Variants in NUMB observed in about 807,000 individuals in gnomAD.
NUMB encodes protein numb homolog.
A neutral mutation model predicts 59.7 loss-of-function variants in NUMB; 29 were observed. That is an observed-to-expected ratio of 0.49 (90% CI 0.36 to 0.66). The LOEUF is 0.66. Among genes scored for constraint, NUMB ranks in the 30% least tolerant of loss-of-function variants. The probability of loss-of-function intolerance (pLI) is 0.00; values close to 1 mark genes in which losing one functional copy is unlikely to be tolerated. For missense variants in NUMB, 723 were observed against 822.0 expected, an observed-to-expected ratio of 0.88 and a Z score of 1.47; for synonymous variants, 288 against 288.2, an observed-to-expected ratio of 1.00 and a Z score of 0.01.
chr14:73,419,463 T>C (rs930881782), intron 1 of NUMB, among the ~76,000 whole-genome samples: 2 of 152,038 alleles, frequency 1.3e-5, no homozygotes, highest in Non-Finnish European at 2.9e-5. Flanking sequence ...GAGCTGAGAT[T>C]GCGCCACTGC....
intron 4 of NUMB, among the ~76,000 whole-genome samples, chr14:73,345,580 T>G (rs1043599533): frequency 3.3e-5 from 5 of 152,170 alleles, no homozygotes; most frequent in African/African-American, 1.2e-4. Context: ...TTTATGTCAG[T>G]TATAGCTACT....
At chr14:73,304,578 G>A (rs1185198246) in intron 6 of NUMB, among the ~76,000 whole-genome samples, 2 of 152,102 alleles carry the variant, frequency 1.3e-5, no homozygotes, top group African/African-American at 4.8e-5. Flanking sequence ...AAAGTATTAG[G>A]ATTACAGATG....
At chr14:73,357,039 C>T (rs1893824421) in intron 3 of NUMB, 2 of 965,808 alleles carry the variant, frequency 2.1e-6, no homozygotes, top group Non-Finnish European at 2.5e-6. Context: ...GAATGCCTTT[C>T]CATATCGATA....
chr14:73,361,771 T>C (rs1337777007), intron 3 of NUMB, among the ~76,000 whole-genome samples: 1 of 152,162 alleles, frequency 6.6e-6, no homozygotes, highest in Non-Finnish European at 1.5e-5. Flanking sequence ...TTTTTTATTT[T>C]AAAATAACTT....
intron 2 of NUMB, among the ~76,000 whole-genome samples, chr14:73,397,244 A>T (rs911678208): frequency 6.6e-6 from 1 of 152,206 alleles, no homozygotes; most frequent in Non-Finnish European, 1.5e-5. Context: ...CAAATTCCCA[A>T]GTAATGCTGG....
intron 8 of NUMB, among the ~76,000 whole-genome samples, chr14:73,288,238 ACTCTGT>A (rs960427237): frequency 3.3e-5 from 5 of 151,590 alleles, no homozygotes; most frequent in African/African-American, 1.2e-4. Context: ...ACACAGTGAG[ACTCTGT>A]CTCTACCAAA....
chr14:73,275,755 T>C lies in NUMB; in HGVS notation c.*823A>G, dbSNP rs1320666238. ...GTGACTGTATTGGTCATAAGCATGA[T>C]TGTTGTTGCAATGTGCTACTTACAA... is the stretch of plus-strand genomic sequence containing the variant. On this transcript the variant is annotated 3_prime_UTR_variant, in exon 13 of 13. Transcript: ENST00000555238. 6.6e-6 allele frequency: 1 copy of C among 152,652 alleles called. No individual in the cohort carries two copies. Among genetic ancestry groups the C allele is most frequent in the Admixed American group, 6.5e-5 (1 of 15,276 alleles). The allele number at this position is 152,652 out of a possible 1,614,324, so 9.5% of individuals were successfully genotyped here.
At chr14:73,342,937 T>C (rs1233272479) in intron 4 of NUMB, among the ~76,000 whole-genome samples, 1 of 152,022 alleles carries the variant, frequency 6.6e-6, no homozygotes, top group Non-Finnish European at 1.5e-5. Flanking sequence ...CTCTACCTCC[T>C]TACCTCAGCC....
chr14:73,404,336 A>T (rs1896558755), intron 2 of NUMB, among the ~76,000 whole-genome samples: 1 of 152,032 alleles, frequency 6.6e-6, no homozygotes, highest in Non-Finnish European at 1.5e-5. Flanking sequence ...CTTGTTGAAA[A>T]AAATTCATAG....
chr14:73,417,813 A>C (rs2140145419), intron 1 of NUMB, among the ~76,000 whole-genome samples: 1 of 152,320 alleles, frequency 6.6e-6, no homozygotes, highest in African/African-American at 2.4e-5. Flanking sequence ...TGGCTAAACA[A>C]AATGTAGTCT....
intron 2 of NUMB, among the ~76,000 whole-genome samples, chr14:73,401,338 A>AT (rs950250382): frequency 9.9e-5 from 15 of 151,348 alleles, no homozygotes; most frequent in African/African-American, 1.7e-4. Flanking sequence ...AACTCTCTGT[A>AT]TTTTTTTTGC....
chr14:73,387,231 T>C (rs1260407490), intron 2 of NUMB, among the ~76,000 whole-genome samples: 1 of 152,034 alleles, frequency 6.6e-6, no homozygotes, highest in Non-Finnish European at 1.5e-5. Flanking sequence ...CTTACCCTGA[T>C]CCCCTCTTGA....
At chr14:73,290,878 G>A (rs56209610) in intron 8 of NUMB, among the ~76,000 whole-genome samples, 1 of 152,112 alleles carries the variant, frequency 6.6e-6, no homozygotes, top group Non-Finnish European at 1.5e-5. Context: ...GAATTTTGGA[G>A]CATTTCAGAT....
At chr14:73,279,922 C>T (rs1020068262) in intron 11 of NUMB, among the ~76,000 whole-genome samples, 3 of 152,134 alleles carry the variant, frequency 2.0e-5, no homozygotes, top group Non-Finnish European at 2.9e-5. Flanking sequence ...TTTGGGAGGC[C>T]GAGGTGGGTG....
intron 1 of NUMB, among the ~76,000 whole-genome samples, chr14:73,443,454 G>A (rs1883220588): frequency 6.6e-6 from 1 of 152,030 alleles, no homozygotes; most frequent in Non-Finnish European, 1.5e-5. Flanking sequence ...AATTAGCCAG[G>A]CGTGGTGGCG....
intron 1 of NUMB, among the ~76,000 whole-genome samples, chr14:73,410,829 T>C (rs528842959): frequency 2.0e-4 from 31 of 152,350 alleles, no homozygotes; most frequent in Non-Finnish European, 3.7e-4. Context: ...ACTATTCAAC[T>C]AATATTTATT....
intron 8 of NUMB, among the ~76,000 whole-genome samples, chr14:73,291,301 C>T (rs1479289712): frequency 1.3e-5 from 2 of 151,338 alleles, no homozygotes; most frequent in African/African-American, 4.9e-5. Context: ...GGCTGGTCTC[C>T]AACTCCTGAC....
chr14:73,333,691 T>C (rs2139955737), intron 4 of NUMB, among the ~76,000 whole-genome samples: 1 of 152,328 alleles, frequency 6.6e-6, no homozygotes, highest in Non-Finnish European at 1.5e-5. Flanking sequence ...CTTTTCACTT[T>C]CTTGATAATA....
intron 2 of NUMB, among the ~76,000 whole-genome samples, chr14:73,382,132 A>G (rs1452788646): frequency 1.3e-5 from 2 of 152,162 alleles, no homozygotes; most frequent in African/African-American, 4.8e-5. Flanking sequence ...ATGCGGAGGC[A>G]AAGTGCCTTT....
Sources: gnomAD v4.1 joint callset for allele counts (sites outside exome capture counted in the v4.1 genomes callset) on GRCh38, gnomAD v4.1.1 for gene constraint, MANE v1.5 for transcripts, NCBI Gene and HGNC (gene_info 2026-07-23, HGNC 2026-07-21) for gene names.